NCAM2: variants seen among roughly 807,000 people sequenced by gnomAD.
The protein encoded by NCAM2 is N-CAM-2.
Under a neutral mutation model 98.1 loss-of-function variants are expected in NCAM2, and 30 were observed. The observed-to-expected ratio is 0.31, with a 90% CI of 0.23 to 0.41. The LOEUF (loss-of-function observed/expected upper bound fraction) is 0.41, where lower values mean the gene tolerates loss of function less well. NCAM2 is among the 10% of genes least tolerant of loss of function. The pLI, the probability that NCAM2 is intolerant of heterozygous loss-of-function variation, is 1.00. For missense variants in NCAM2, 867 were observed against 1,005.8 expected (o/e 0.86, Z 1.87); for synonymous variants, 368 against 342.4 (o/e 1.07, Z -0.83).
chr21:21,186,375 A>G (rs1165642036), intron 1 of NCAM2, among the ~76,000 whole-genome samples: 1 of 152,156 alleles, frequency 6.6e-6, no homozygotes, highest in Admixed American at 6.5e-5. Context: ...TCAAGTCAAC[A>G]AAATAAAAGA....
chr21:21,181,145 T>C (rs534246050), intron 1 of NCAM2, among the ~76,000 whole-genome samples: 3 of 152,306 alleles, frequency 2.0e-5, no homozygotes, highest in African/African-American at 7.2e-5. Flanking sequence ...CACAGTTTTG[T>C]ATGCCTTTGC....
At chr21:21,337,772 T>A (rs1001005911) in intron 7 of NCAM2, among the ~76,000 whole-genome samples, 1 of 151,932 alleles carries the variant, frequency 6.6e-6, no homozygotes. Flanking sequence ...TTGTCTAGTA[T>A]ATTGTTAAGT....
At chr21:21,216,744 A>C (rs535312527) in intron 1 of NCAM2, among the ~76,000 whole-genome samples, 1 of 152,322 alleles carries the variant, frequency 6.6e-6, no homozygotes, top group African/African-American at 2.4e-5. Context: ...CTTTCAATAC[A>C]TGACCTTGGT....
intron 12 of NCAM2, among the ~76,000 whole-genome samples, chr21:21,459,225 T>C (rs900305323): frequency 6.6e-5 from 10 of 152,006 alleles, no homozygotes; most frequent in Non-Finnish European, 1.2e-4. Context: ...AGAGAAACGG[T>C]AACAGTGTAC....
At chr21:21,455,777 C>A (rs540661791) in intron 12 of NCAM2, among the ~76,000 whole-genome samples, 2 of 151,732 alleles carry the variant, frequency 1.3e-5, no homozygotes, top group South Asian at 2.1e-4. Flanking sequence ...TGTTAAGCAA[C>A]AACAAAGGAC....
At chr21:21,257,832 C>T (rs1242009404) in intron 1 of NCAM2, among the ~76,000 whole-genome samples, 1 of 152,168 alleles carries the variant, frequency 6.6e-6, no homozygotes, top group Non-Finnish European at 1.5e-5. Flanking sequence ...CTGCCCGCCT[C>T]GGGCTTCCAA....
chr21:21,431,908 G>T (rs1344482588), intron 11 of NCAM2, among the ~76,000 whole-genome samples, 200 bp from the exon 12 acceptor site: 1 of 152,034 alleles, frequency 6.6e-6, no homozygotes, highest in Non-Finnish European at 1.5e-5. Flanking sequence ...ATTTTCTGAG[G>T]TAATAAAAGT....
At chr21:21,332,230 G>A (rs1189493306) in intron 6 of NCAM2, among the ~76,000 whole-genome samples, 1 of 152,064 alleles carries the variant, frequency 6.6e-6, no homozygotes, top group Non-Finnish European at 1.5e-5. Context: ...TTGGGTTCCA[G>A]ACATTCAGAA....
chr21:21,317,458 A>T (rs1354843899), intron 5 of NCAM2, among the ~76,000 whole-genome samples: 2 of 152,190 alleles, frequency 1.3e-5, no homozygotes, highest in Admixed American at 6.5e-5. Flanking sequence ...CTGAAATCTT[A>T]CACCTTTAGA....
At chr21:21,379,390 A>G (rs576027339) in intron 9 of NCAM2, among the ~76,000 whole-genome samples, 1 of 152,188 alleles carries the variant, frequency 6.6e-6, no homozygotes, top group African/African-American at 2.4e-5. Flanking sequence ...TTTCTAATAG[A>G]ATCACATAAC....
intron 16 of NCAM2, among the ~76,000 whole-genome samples, chr21:21,516,637 A>AT (rs1988728590): frequency 1.3e-5 from 2 of 151,934 alleles, no homozygotes; most frequent in Non-Finnish European, 2.9e-5. Flanking sequence ...CTTTCTATTG[A>AT]GAAAATCTAG....
rs73896623 is a variant in NCAM2 at position 21,241,080 on chromosome 21, C to T, written c.56-39498C>T. On this transcript the variant is annotated intron_variant, in intron 1 of 17. Coordinates refer to ENST00000400546, the MANE Select transcript of NCAM2 (RefSeq NM_004540.5). ...AACTATATATGGCATCTGAATGTAT[C>T]TTGAAGACTATAATATTCTCCATTT... 2.0e-3 allele frequency among the ~76,000 whole-genome samples: 306 copies of T among 152,102 alleles called. 2 individuals are homozygous for T. The highest frequency in any genetic ancestry group is 7.0e-3 in the African/African-American group (289 of 41,524).
intron 1 of NCAM2, among the ~76,000 whole-genome samples, chr21:21,052,267 C>CAGTG (rs2065127052): frequency 6.7e-6 from 1 of 150,336 alleles, no homozygotes. Context: ...GGGTTCACAC[C>CAGTG]ATTCTCCTGC....
At chr21:21,269,139 A>G (rs537921829) in intron 1 of NCAM2, among the ~76,000 whole-genome samples, 287 of 152,248 alleles carry the variant, frequency 1.9e-3, no homozygotes, top group Non-Finnish European at 3.2e-3. Flanking sequence ...TCCTTTCCCT[A>G]TCTTTATGAA....
chr21:21,438,199 A>T (rs895045561), intron 12 of NCAM2, among the ~76,000 whole-genome samples: 11 of 151,936 alleles, frequency 7.2e-5, no homozygotes, highest in African/African-American at 2.7e-4. Context: ...AATATATATG[A>T]TTTTGAATAC....
At chr21:21,116,560 TACTC>T (rs1345207259) in intron 1 of NCAM2, among the ~76,000 whole-genome samples, 3 of 152,044 alleles carry the variant, frequency 2.0e-5, no homozygotes, top group African/African-American at 7.2e-5. Flanking sequence ...ACTCAAGAAA[TACTC>T]ACCAATGTGT....
intron 6 of NCAM2, among the ~76,000 whole-genome samples, chr21:21,325,036 TA>T (rs146884944): frequency 0.083 from 12,617 of 152,048 alleles, 865 homozygotes; most frequent in East Asian, 0.3. Flanking sequence ...TTTGATAGTT[TA>T]TTTTTTTAGA....
intron 1 of NCAM2, among the ~76,000 whole-genome samples, chr21:21,186,858 C>A (rs572305395): frequency 6.6e-6 from 1 of 151,952 alleles, no homozygotes; most frequent in Admixed American, 6.6e-5. Context: ...TGTAAATATA[C>A]AAATCAGTTT....
At chr21:21,497,125 C>T (rs1043047659) in intron 15 of NCAM2, among the ~76,000 whole-genome samples, 3 of 152,096 alleles carry the variant, frequency 2.0e-5, no homozygotes, top group Non-Finnish European at 4.4e-5. Flanking sequence ...AACAAAATAT[C>T]ACATGTTCTC....
Sources: gnomAD v4.1 joint callset for allele counts (sites outside exome capture counted in the v4.1 genomes callset) on GRCh38, gnomAD v4.1.1 for gene constraint, MANE v1.5 for transcripts, NCBI Gene and HGNC (gene_info 2026-07-23, HGNC 2026-07-21) for gene names.